FRMD4A: variants seen among roughly 807,000 people sequenced by gnomAD.
The protein encoded by FRMD4A is FERM domain containing 4A, also known as FERM domain-containing protein 4A.
FRMD4A carries 29 observed loss-of-function variants against 129.1 expected under a neutral mutation model. The ratio of observed to expected loss-of-function variants is 0.22; its 90% CI spans 0.17 to 0.31. The LOEUF is 0.31. Among genes scored for constraint, FRMD4A ranks in the 10% least tolerant of loss-of-function variants. The pLI is 1.00. For missense variants in FRMD4A, 1,272 were observed against 1,375.8 expected, an observed-to-expected ratio of 0.92 and a Z score of 1.19; for synonymous variants, 634 against 571.6, an observed-to-expected ratio of 1.11 and a Z score of -1.56.
intron 3 of FRMD4A, among the ~76,000 whole-genome samples, chr10:13,842,173 C>A (rs1343962534): frequency 6.6e-6 from 1 of 152,164 alleles, no homozygotes; most frequent in Non-Finnish European, 1.5e-5. Flanking sequence ...GTTGGTTGAA[C>A]TTTAGGAATC....
intron 2 of FRMD4A, among the ~76,000 whole-genome samples, chr10:14,322,041 C>G (rs1843078518): frequency 6.6e-6 from 1 of 152,182 alleles, no homozygotes; most frequent in African/African-American, 2.4e-5. Flanking sequence ...TGAGGCTTCT[C>G]CAGCCAGGCT....
chr10:14,124,526 AT>A (rs1276991701), intron 2 of FRMD4A, among the ~76,000 whole-genome samples: 1 of 152,152 alleles, frequency 6.6e-6, no homozygotes, highest in East Asian at 1.9e-4. Context: ...AAATACAAAA[AT>A]TAGCCGGGCA....
At chr10:13,661,729 A>G (rs1049812676) in intron 19 of FRMD4A, among the ~76,000 whole-genome samples, 1 of 152,216 alleles carries the variant, frequency 6.6e-6, no homozygotes, top group African/African-American at 2.4e-5. Flanking sequence ...CAGCATTGAG[A>G]AGAGAGAGGA....
intron 2 of FRMD4A, among the ~76,000 whole-genome samples, chr10:14,242,547 T>G (rs1844085819): frequency 6.6e-6 from 1 of 152,242 alleles, no homozygotes; most frequent in African/African-American, 2.4e-5. Flanking sequence ...AGGATAACTT[T>G]TGTGTTCACA....
intron 2 of FRMD4A, among the ~76,000 whole-genome samples, chr10:14,308,604 T>C (rs576678554): frequency 6.6e-6 from 1 of 152,364 alleles, no homozygotes; most frequent in South Asian, 2.1e-4. Context: ...CATGTCTTTT[T>C]ATCTCTGAGT....
At chr10:14,280,568 A>G (rs1845485207) in intron 2 of FRMD4A, among the ~76,000 whole-genome samples, 1 of 152,220 alleles carries the variant, frequency 6.6e-6, no homozygotes, top group Non-Finnish European at 1.5e-5. Context: ...ATCATTCTCA[A>G]ACAGATTCCA....
chr10:14,270,560 T>G (rs990191911), intron 2 of FRMD4A, among the ~76,000 whole-genome samples: 1 of 152,216 alleles, frequency 6.6e-6, no homozygotes, highest in African/African-American at 2.4e-5. Context: ...TCAGTCGGCC[T>G]GCTGCATATT....
At chr10:14,250,430 CA>C (rs1175203485) in intron 2 of FRMD4A, among the ~76,000 whole-genome samples, 1 of 152,166 alleles carries the variant, frequency 6.6e-6, no homozygotes, top group Non-Finnish European at 1.5e-5. Flanking sequence ...CTACTTTTTA[CA>C]AAGGTGTTGC....
chr10:14,112,384 T>C (rs193093557), intron 2 of FRMD4A, among the ~76,000 whole-genome samples: 26 of 152,194 alleles, frequency 1.7e-4, no homozygotes, highest in Admixed American at 5.2e-4. Flanking sequence ...GAGAGAGCAG[T>C]TTGCGGCGGT....
Position 14,324,134 on chromosome 10 carries a change from C to T in FRMD4A, c.45+5924G>A, listed in dbSNP as rs1041342. ...AGTTAGTCTCTGTCGATTAGACTAA[C>T]AGAAACAGGTCCAGCAGAAAATGAA... On this transcript the variant is annotated intron_variant, in intron 2 of 24. Coordinates refer to ENST00000357447, the MANE Select transcript of FRMD4A (RefSeq NM_018027.5). 4.3e-3 allele frequency among the ~76,000 whole-genome samples: 659 copies of T among 152,212 alleles called. 6 individuals carry two copies. The highest frequency in any genetic ancestry group is 0.015 in the African/African-American group (619 of 41,518).
At chr10:13,786,593 C>T (rs957387871) in intron 5 of FRMD4A, among the ~76,000 whole-genome samples, 2 of 151,914 alleles carry the variant, frequency 1.3e-5, no homozygotes, top group South Asian at 2.1e-4. Context: ...GCAACAAAAG[C>T]GAAACTCCGT....
chr10:14,183,203 C>A (rs555506285), intron 2 of FRMD4A, among the ~76,000 whole-genome samples: 1 of 152,310 alleles, frequency 6.6e-6, no homozygotes, highest in African/African-American at 2.4e-5. Flanking sequence ...TGAATTTACA[C>A]CTCACTTTAT....
chr10:13,817,815 C>T (rs1013630993), intron 3 of FRMD4A, among the ~76,000 whole-genome samples: 1 of 152,184 alleles, frequency 6.6e-6, no homozygotes, highest in South Asian at 2.1e-4. Flanking sequence ...CAGACTAATA[C>T]ACACACCCAC....
intron 2 of FRMD4A, among the ~76,000 whole-genome samples, chr10:13,932,933 G>A (rs1170523989): frequency 6.6e-6 from 1 of 152,120 alleles, no homozygotes; most frequent in Non-Finnish European, 1.5e-5. Flanking sequence ...GGCTGAGGCG[G>A]GTGGATCACC....
At chr10:13,746,428 T>C (rs1317898631) in intron 9 of FRMD4A, among the ~76,000 whole-genome samples, 1 of 152,056 alleles carries the variant, frequency 6.6e-6, no homozygotes, top group African/African-American at 2.4e-5. Context: ...TTGGCCAGGA[T>C]GGTCTCGATC....
At chr10:13,895,380 A>G (rs2094745851) in intron 2 of FRMD4A, among the ~76,000 whole-genome samples, 1 of 152,156 alleles carries the variant, frequency 6.6e-6, no homozygotes, top group Admixed American at 6.5e-5. Flanking sequence ...ATAATGGCCT[A>G]CAGCTCCATC....
At chr10:13,987,971 C>A (rs967137510) in intron 2 of FRMD4A, among the ~76,000 whole-genome samples, 18 of 152,150 alleles carry the variant, frequency 1.2e-4, no homozygotes, top group African/African-American at 4.3e-4. Flanking sequence ...ATAAACACTT[C>A]AGTTTTTCTT....
chr10:14,288,990 T>C (rs927736103), intron 2 of FRMD4A, among the ~76,000 whole-genome samples: 1 of 152,230 alleles, frequency 6.6e-6, no homozygotes, highest in Non-Finnish European at 1.5e-5. Context: ...CATTCCAGTA[T>C]ATGTATATAC....
chr10:13,952,150 T>C (rs2095376359), intron 2 of FRMD4A, among the ~76,000 whole-genome samples: 1 of 151,262 alleles, frequency 6.6e-6, no homozygotes, highest in African/African-American at 2.4e-5. Flanking sequence ...TATACTCTTT[T>C]TTCTGATTTT....
Sources: allele counts gnomAD v4.1 joint callset (sites outside exome capture counted in the v4.1 genomes callset), GRCh38; gene constraint gnomAD v4.1.1; transcripts MANE v1.5; gene names NCBI Gene and HGNC (gene_info 2026-07-23, HGNC 2026-07-21).